The following CENPP variants were observed in gnomAD, a reference collection of about 807,000 sequenced individuals.
CENPP encodes centromere protein P.
A neutral mutation model predicts 35.6 loss-of-function variants in CENPP; 24 were observed. That is an observed-to-expected ratio of 0.67 (90% CI 0.49 to 0.95). The LOEUF is 0.95. Ranked by LOEUF, CENPP falls within the 40% of genes least tolerant of loss-of-function variation. CENPP has a pLI of 0.00. For missense variants in CENPP, 332 were observed against 345.3 expected, an observed-to-expected ratio of 0.96 and a Z score of 0.31; for synonymous variants, 120 against 125.5, an observed-to-expected ratio of 0.96 and a Z score of 0.29.
intron 5 of CENPP, among the ~76,000 whole-genome samples, chr9:92,524,639 C>CT (rs1437050416): frequency 1.3e-5 from 2 of 152,194 alleles, no homozygotes; most frequent in Non-Finnish European, 2.9e-5. Flanking sequence ...GGTCCACTCA[C>CT]TGTCAGTGTT....
At chr9:92,454,112 A>T (rs1169801179) in intron 5 of CENPP, among the ~76,000 whole-genome samples, 1 of 152,200 alleles carries the variant, frequency 6.6e-6, no homozygotes, top group African/African-American at 2.4e-5. Flanking sequence ...AGTGGGTAAT[A>T]TTTTGTATTC....
At chr9:92,368,790 ATGGTTT>A (rs1198561263) in intron 4 of CENPP, among the ~76,000 whole-genome samples, 1 of 152,188 alleles carries the variant, frequency 6.6e-6, no homozygotes. Context: ...TGTAATCCTA[ATGGTTT>A]GGGAGACTGA....
At chr9:92,503,336 A>G (rs1846800717) in intron 5 of CENPP, among the ~76,000 whole-genome samples, 1 of 152,174 alleles carries the variant, frequency 6.6e-6, no homozygotes, top group South Asian at 2.1e-4. Context: ...GGGCCTGGAG[A>G]GACAGGGAAG....
intron 5 of CENPP, among the ~76,000 whole-genome samples, chr9:92,471,301 G>A (rs1466432812): frequency 6.6e-6 from 1 of 151,322 alleles, no homozygotes; most frequent in Non-Finnish European, 1.5e-5. Context: ...GGTTCCAGCA[G>A]TTCTCCTGCC....
intron 5 of CENPP, among the ~76,000 whole-genome samples, chr9:92,595,917 A>G (rs1258530699): frequency 5.3e-5 from 8 of 152,180 alleles, no homozygotes; most frequent in Admixed American, 3.9e-4. Context: ...TGTGAAGTAC[A>G]AGTTTGAACA....
intron 5 of CENPP, among the ~76,000 whole-genome samples, chr9:92,471,367 T>C (rs1230142624): frequency 1.3e-5 from 2 of 151,890 alleles, no homozygotes; most frequent in African/African-American, 4.8e-5. Flanking sequence ...TGGCTAATTT[T>C]TGTATTTTTA....
intron 5 of CENPP, among the ~76,000 whole-genome samples, chr9:92,399,843 C>A (rs1207875620): frequency 1.3e-5 from 2 of 152,030 alleles, no homozygotes; most frequent in African/African-American, 4.8e-5. Flanking sequence ...ATTTTCTATT[C>A]TATTTCATTG....
chr9:92,573,075 C>T (rs1393440939), intron 5 of CENPP, among the ~76,000 whole-genome samples: 1 of 152,164 alleles, frequency 6.6e-6, no homozygotes, highest in Non-Finnish European at 1.5e-5. Context: ...TATTACCAGT[C>T]GTCTGAAGCC....
chr9:92,325,744 T>C, upstream of CENPP: 2 of 460,192 alleles, frequency 4.3e-6, no homozygotes, highest in Non-Finnish European at 7.8e-6. Flanking sequence ...AAGAACGCGC[T>C]CTCCAGAGAA....
rs771860993 is a variant in CENPP, at chr9:92,522,549, GTCTC to G, written c.565-88758_565-88755del. On this transcript the variant is annotated intron_variant, in intron 5 of 7. Coordinates refer to ENST00000375587, the MANE Select transcript of CENPP (RefSeq NM_001012267.3). ...ATCTCTCACCCTCCTCCCTCTTTCTGTCTCTCTCTCATAGTGTTCTCTTACCTGG... is the reference window on the plus strand; with the variant it reads ...ATCTCTCACCCTCCTCCCTCTTTCTGTCTCTCATAGTGTTCTCTTACCTGG... 5.8e-6 allele frequency: 9 copies of G among 1,548,346 alleles called. 1 individual carries two copies. The South Asian group carries it at 8.7e-5, about 15-fold the overall frequency.
rs1400019324 is a variant in CENPP, at chr9:92,617,752, T to C, written c.*4603T>C. ...CCAAGGCCGCACACTGTGTTTCAAA[T>C]GGGAGGTCGAGAGGAGCATCAGGGT... On this transcript the variant is annotated 3_prime_UTR_variant, in exon 8 of 8. Coordinates refer to ENST00000375587, the MANE Select transcript of CENPP (RefSeq NM_001012267.3). The C allele has an allele frequency of 1.2e-5, 2 of 167,396 alleles. No individual in the cohort carries two copies. The highest frequency in any genetic ancestry group is 4.8e-5 in the African/African-American group (2 of 41,602). The allele number at this position is 167,396 out of a possible 1,614,324, so 10.4% of individuals were successfully genotyped here.
intron 5 of CENPP, among the ~76,000 whole-genome samples, chr9:92,465,957 C>T (rs1026854935): frequency 3.3e-5 from 5 of 151,852 alleles, no homozygotes; most frequent in South Asian, 4.1e-4. Context: ...CTAAGCCTCC[C>T]GAGTAGCTGA....
At chr9:92,565,691 A>T (rs922895259) in intron 5 of CENPP, among the ~76,000 whole-genome samples, 8 of 152,322 alleles carry the variant, frequency 5.3e-5, no homozygotes, top group Admixed American at 2.6e-4. Context: ...CCCTGTCTCC[A>T]CTTTCATTTT....
intron 5 of CENPP, among the ~76,000 whole-genome samples, chr9:92,596,390 C>T (rs996136018): frequency 7.6e-6 from 1 of 131,700 alleles, no homozygotes; most frequent in African/African-American, 3.1e-5. Context: ...TAGGTAGGGC[C>T]AAGCCAAGCC....
intron 5 of CENPP, among the ~76,000 whole-genome samples, chr9:92,606,711 TTGGCCAACATGG>T (rs963943603): frequency 6.6e-6 from 1 of 152,158 alleles, no homozygotes; most frequent in Non-Finnish European, 1.5e-5. Flanking sequence ...CAAGACCATC[TTGGCCAACATGG>T]TGAAACCCCA....
chr9:92,364,388 G>C lies in CENPP; in HGVS notation c.468-15375G>C, dbSNP rs1265888328. ...TTTTTCTATGATTTTGGTCTTAAAA[G>C]TCTTTATTTCATTTTTGGTTTTGAA... On this transcript the variant is annotated intron_variant, in intron 4 of 7. Coordinates refer to ENST00000375587, the MANE Select transcript of CENPP (RefSeq NM_001012267.3). Among the ~76,000 whole-genome samples, 4 of 152,104 alleles carry C rather than the reference G, an allele frequency of 2.6e-5. No homozygotes were observed. In the East Asian group the frequency reaches 7.7e-4, roughly 29 times the overall value.
At chr9:92,568,230 C>T (rs939112854) in intron 5 of CENPP, among the ~76,000 whole-genome samples, 30 of 149,566 alleles carry the variant, frequency 2.0e-4, no homozygotes, top group Middle Eastern at 6.8e-3. Flanking sequence ...TGCTATCCTT[C>T]CCCCTTCCCC....
chr9:92,550,679 T>G (rs10820986), intron 5 of CENPP, among the ~76,000 whole-genome samples: 74,184 of 151,882 alleles, frequency 0.49, 21,565 homozygotes, highest in African/African-American at 0.81. Flanking sequence ...ACAAATGAAG[T>G]TTCACATATG....
At chr9:92,545,538 C>CG (rs34269308) in intron 5 of CENPP, among the ~76,000 whole-genome samples, 100,834 of 151,776 alleles carry the variant, frequency 0.66, 35,175 homozygotes, top group African/African-American at 0.89. Context: ...CCCGCCCCGC[C>CG]GGGCCCCTTC....
Sources: allele counts gnomAD v4.1 joint callset (sites outside exome capture counted in the v4.1 genomes callset), GRCh38; gene constraint gnomAD v4.1.1; transcripts MANE v1.5; gene names NCBI Gene and HGNC (gene_info 2026-07-23, HGNC 2026-07-21).